UNC13C: variants seen among roughly 807,000 people sequenced by gnomAD.
The protein encoded by UNC13C is protein unc-13 homolog C.
A neutral mutation model predicts 245.4 loss-of-function variants in UNC13C; 174 were observed. The ratio of observed to expected loss-of-function variants is 0.71; its 90% CI spans 0.63 to 0.80. UNC13C has a LOEUF of 0.80. Among genes scored for constraint, UNC13C ranks in the 30% least tolerant of loss-of-function variants. The pLI is 0.00. For synonymous variants in UNC13C, 992 were observed against 895.1 expected (o/e 1.11, Z -1.93); for missense variants, 2,829 against 2,602.9 (o/e 1.09, Z -1.89).
chr15:53,860,566 A>C, the UNC13C span, among the ~76,000 whole-genome samples: 2 of 152,254 alleles, frequency 1.3e-5, no homozygotes, highest in East Asian at 3.9e-4. Flanking sequence ...CTGAAATCTG[A>C]ATCTCTCTTA....
chr15:54,448,603 C>CT (rs543155062), intron 19 of UNC13C, among the ~76,000 whole-genome samples: 41 of 152,120 alleles, frequency 2.7e-4, no homozygotes, highest in African/African-American at 9.4e-4. Context: ...CAACCCCTGC[C>CT]TTTTTTTGTT....
chr15:54,485,450 A>C (rs1326583198), intron 19 of UNC13C, among the ~76,000 whole-genome samples: 1 of 152,210 alleles, frequency 6.6e-6, no homozygotes, highest in East Asian at 1.9e-4. Flanking sequence ...CGCTTCTACC[A>C]CAATCATCAC....
intron 19 of UNC13C, among the ~76,000 whole-genome samples, chr15:54,428,638 A>G (rs1385842654): frequency 6.6e-6 from 1 of 151,488 alleles, no homozygotes; most frequent in Non-Finnish European, 1.5e-5. Context: ...TAACCCTAGC[A>G]TCTAGAGAAG....
intron 7 of UNC13C, 70 bp downstream of exon 7, chr15:54,237,760 G>A (rs1303930570): frequency 8.0e-6 from 10 of 1,254,368 alleles, no homozygotes; most frequent in Non-Finnish European, 1.1e-5. Flanking sequence ...AAACTGTTCT[G>A]CTTGAGCTAC....
intron 30 of UNC13C, among the ~76,000 whole-genome samples, chr15:54,604,016 TC>T (rs1188287402): frequency 6.6e-6 from 1 of 152,200 alleles, no homozygotes; most frequent in East Asian, 1.9e-4. Flanking sequence ...TGTGATATCC[TC>T]TGGTTTCACA....
intron 4 of UNC13C, among the ~76,000 whole-genome samples, chr15:54,211,963 T>C (rs2034893362): frequency 6.6e-6 from 1 of 152,098 alleles, no homozygotes; most frequent in East Asian, 1.9e-4. Context: ...TTTTGCTGGC[T>C]TATTCACTCC....
chr15:54,607,109 T>C (rs1387106750), intron 30 of UNC13C, among the ~76,000 whole-genome samples: 2 of 152,230 alleles, frequency 1.3e-5, no homozygotes, highest in Admixed American at 6.5e-5. Flanking sequence ...AATTATGTAA[T>C]AAATTTGACT....
At chr15:54,065,561 C>T (rs1183211539) in intron 2 of UNC13C, among the ~76,000 whole-genome samples, 1 of 152,188 alleles carries the variant, frequency 6.6e-6, no homozygotes, top group Non-Finnish European at 1.5e-5. Flanking sequence ...TATTTTTTGC[C>T]TACATCACAG....
the UNC13C span, among the ~76,000 whole-genome samples, chr15:53,923,946 C>T: frequency 3.3e-5 from 5 of 152,222 alleles, no homozygotes; most frequent in African/African-American, 1.2e-4. Context: ...GTGGCTCGCG[C>T]CTGTAATCCC....
At position 54,500,830 on chromosome 15, in the gene UNC13C, C is replaced by T. The variant is rs202086021; in HGVS notation, c.5158-5C>T. 2 of 1,612,270 alleles carry T rather than the reference C, an allele frequency of 1.2e-6. No individual in the cohort carries two copies. The highest frequency in any genetic ancestry group is 2.2e-5 in the South Asian group (2 of 90,936). On this transcript the variant is annotated splice_polypyrimidine_tract_variant and splice_region_variant and intron_variant, in intron 21 of 32. Coordinates refer to ENST00000260323, the MANE Select transcript of UNC13C (RefSeq NM_001080534.3). ...TTGGGATGGTTTCACCTCCTCTCCC[C>T]ACAGTTCCAGCAGACATCTGAGCAT...
the UNC13C span, among the ~76,000 whole-genome samples, chr15:53,944,706 G>A: frequency 3.3e-5 from 5 of 152,078 alleles, no homozygotes; most frequent in South Asian, 4.1e-4. Context: ...ATTTGCTATC[G>A]TGAATAGTGC....
chr15:54,095,623 T>C (rs891792036), intron 2 of UNC13C, among the ~76,000 whole-genome samples: 3 of 152,224 alleles, frequency 2.0e-5, no homozygotes, highest in East Asian at 3.8e-4. Context: ...CCAGACCTAC[T>C]GAATGGGAAT....
At chr15:54,151,515 G>C (rs1034155451) in intron 4 of UNC13C, among the ~76,000 whole-genome samples, 2 of 151,976 alleles carry the variant, frequency 1.3e-5, no homozygotes, top group Admixed American at 6.6e-5. Context: ...TGATTCTCTC[G>C]CCTCAGCCTC....
chr15:54,432,971 A>C (rs1358726576), intron 19 of UNC13C, among the ~76,000 whole-genome samples: 1 of 152,170 alleles, frequency 6.6e-6, no homozygotes, highest in Non-Finnish European at 1.5e-5. Context: ...AAACACCTCT[A>C]CACAAATAAA....
At chr15:54,150,031 A>G (rs774207999) in intron 4 of UNC13C, among the ~76,000 whole-genome samples, 1 of 152,220 alleles carries the variant, frequency 6.6e-6, no homozygotes, top group African/African-American at 2.4e-5. Context: ...TCCTATGGAT[A>G]CCAAAGGATA....
chr15:54,291,535 A>T (rs1036388610), intron 10 of UNC13C, among the ~76,000 whole-genome samples: 1 of 152,012 alleles, frequency 6.6e-6, no homozygotes, highest in African/African-American at 2.4e-5. Context: ...CATAGGCTCT[A>T]ACTTCAAAAA....
intron 1 of UNC13C, among the ~76,000 whole-genome samples, chr15:53,987,634 C>G (rs1894203447): frequency 1.3e-5 from 2 of 151,956 alleles, no homozygotes. Context: ...CAAAAATGTC[C>G]TGAGGACTCA....
chr15:54,253,529 G>C (rs190703115), intron 8 of UNC13C, among the ~76,000 whole-genome samples: 13 of 152,352 alleles, frequency 8.5e-5, no homozygotes, highest in African/African-American at 1.9e-4. Flanking sequence ...GCAGCAGCCA[G>C]AGTTCACCTG....
chr15:54,565,596 C>T (rs1165105955), intron 29 of UNC13C, among the ~76,000 whole-genome samples: 1 of 151,876 alleles, frequency 6.6e-6, no homozygotes, highest in South Asian at 2.1e-4. Flanking sequence ...GTGAGAGAAC[C>T]AGGTAAGATG....
Sources: allele counts gnomAD v4.1 joint callset (sites outside exome capture counted in the v4.1 genomes callset), GRCh38; gene constraint gnomAD v4.1.1; transcripts MANE v1.5; gene names NCBI Gene and HGNC (gene_info 2026-07-23, HGNC 2026-07-21).